Variants in DNAJC13 observed in about 807,000 individuals in gnomAD.
The protein encoded by DNAJC13 is DnaJ heat shock protein family (Hsp40) member C13.
A neutral mutation model predicts 290.5 loss-of-function variants in DNAJC13; 75 were observed. The ratio of observed to expected loss-of-function variants is 0.26; its 90% confidence interval spans 0.21 to 0.31. The LOEUF is 0.31. DNAJC13 is among the 10% of genes least tolerant of loss of function. The pLI is 1.00. For missense variants in DNAJC13, 2,260 were observed against 2,674.5 expected, an observed-to-expected ratio of 0.85 and a Z score of 3.42; for synonymous variants, 862 against 892.0, an observed-to-expected ratio of 0.97 and a Z score of 0.60.
intron 46 of DNAJC13, 137 bp downstream of exon 46, chr3:132,514,807 TC>T: frequency 1.5e-6 from 1 of 672,898 alleles, no homozygotes; most frequent in Non-Finnish European, 2.5e-6. Context: ...AGATTTGTCT[TC>T]CTAATAATGT....
At chr3:132,528,888 AT>A (rs1202380255) in intron 54 of DNAJC13, among the ~76,000 whole-genome samples, 1 of 151,174 alleles carries the variant, frequency 6.6e-6, no homozygotes, top group African/African-American at 2.4e-5. Context: ...TTTTATTTTT[AT>A]TATTTCCTCT....
intron 55 of DNAJC13, 57 bp downstream of exon 55, chr3:132,531,154 C>G (rs1936403714): frequency 1.4e-6 from 2 of 1,459,044 alleles, no homozygotes; most frequent in Non-Finnish European, 1.9e-6. Flanking sequence ...CTTGGACCTT[C>G]CTTTTGCCCT....
In DNAJC13 at chr3:132,538,943, CT is replaced by C. The variant is rs1200732103; in HGVS notation, c.*664del. 2.0e-5 allele frequency: 3 copies of C among 152,530 alleles called. No individual in the cohort carries two copies. Among genetic ancestry groups the C allele is most frequent in the Non-Finnish European group, 4.4e-5 (3 of 68,014 alleles). 9.4% of individuals were successfully genotyped at this position (152,530 alleles called of 1,614,324 possible). On this transcript the variant is annotated 3_prime_UTR_variant, in exon 56 of 56. Coordinates refer to ENST00000260818, the MANE Select transcript of DNAJC13 (RefSeq NM_015268.4). ...TCTATACACTATCAAATATATAAAG[CT>C]TTCTATATTGAATGTACATTATACA...
At chr3:132,435,980 G>C (rs193299459) in intron 2 of DNAJC13, among the ~76,000 whole-genome samples, 8 of 152,200 alleles carry the variant, frequency 5.3e-5, no homozygotes, top group Admixed American at 4.6e-4. Flanking sequence ...GAGTACAACT[G>C]TTTGTGTGCT....
intron 16 of DNAJC13, among the ~76,000 whole-genome samples, chr3:132,462,979 G>A (rs1335109404): frequency 2.6e-5 from 4 of 152,160 alleles, no homozygotes; most frequent in Admixed American, 6.5e-5. Context: ...TGATCTTGTC[G>A]AAGATACTGC....
At chr3:132,480,064 C>T (rs949152295) in intron 25 of DNAJC13, among the ~76,000 whole-genome samples, 3 of 151,956 alleles carry the variant, frequency 2.0e-5, no homozygotes, top group African/African-American at 7.2e-5. Context: ...TTAAAAAGAC[C>T]TTGACAGAAT....
Position 132,506,802 on chromosome 3 carries a change from G to A in DNAJC13, c.4999-435G>A, listed in dbSNP as rs1240377021. Among the ~76,000 whole-genome samples, 8 of 151,088 alleles carry A rather than the reference G, an allele frequency of 5.3e-5. 1 individual carries two copies. In the South Asian group the frequency reaches 8.4e-4, roughly 16 times the overall value. Reference sequence around the variant, plus strand: ...CTTGACCTCATGATCCACCCGCCTCGGCCTCCCTAAGTGCTGGGATTACAG... The same window carrying A: ...CTTGACCTCATGATCCACCCGCCTCAGCCTCCCTAAGTGCTGGGATTACAG... On this transcript the variant is annotated intron_variant, in intron 42 of 55. Coordinates refer to ENST00000260818, the MANE Select transcript of DNAJC13 (RefSeq NM_015268.4).
At chr3:132,506,616 A>C (rs1366241588) in intron 42 of DNAJC13, among the ~76,000 whole-genome samples, 1 of 119,838 alleles carries the variant, frequency 8.3e-6, no homozygotes, top group Non-Finnish European at 1.6e-5. Context: ...CAGTGGCATG[A>C]TCTCGGCCCA....
intron 42 of DNAJC13, 42 bp from the exon 43 acceptor site, chr3:132,507,195 T>C (rs1282955033): frequency 2.4e-6 from 3 of 1,243,170 alleles, no homozygotes; most frequent in African/African-American, 1.5e-5. Flanking sequence ...TGAACATGGA[T>C]AGATTTACAT....
chr3:132,469,960 A>ATTTTTTTT (rs1208816809), intron 20 of DNAJC13, among the ~76,000 whole-genome samples: 1 of 29,262 alleles, frequency 3.4e-5, no homozygotes, highest in African/African-American at 1.2e-4. Context: ...TGGAGCAGAG[A>ATTTTTTTT]TTCTTTTTTT....
rs748698513 is a variant in DNAJC13, at chr3:132,502,423, A to G, written c.4671A>G (p.Thr1557=). 26 of 1,613,298 alleles carry G rather than the reference A, an allele frequency of 1.6e-5. No homozygotes were observed. Among genetic ancestry groups the G allele is most frequent in the Non-Finnish European group, 2.1e-5 (25 of 1,179,738 alleles). The change falls in exon 40 of 56, where the codon ACA becomes ACG. Residue 1557 remains threonine, a synonymous_variant. Transcript: ENST00000260818. ...GTTTTCTGTTTAATTATGACTACACACTAGAAGAGAGTGGCATTCAGAAAA... is the reference window on the plus strand; with the variant it reads ...GTTTTCTGTTTAATTATGACTACACGCTAGAAGAGAGTGGCATTCAGAAAA... The part of the protein sequence containing the change: ...LLGFLFNYDY[T]LEESGIQKSE...
chr3:132,497,612 GAT>G (rs751200992), intron 36 of DNAJC13, among the ~76,000 whole-genome samples: 6 of 152,312 alleles, frequency 3.9e-5, no homozygotes, highest in Non-Finnish European at 7.4e-5. Context: ...ATACATTTTA[GAT>G]ATATGGCTTT....
Position 132,514,594 on chromosome 3 carries a change from C to T in DNAJC13, c.5409C>T (p.Asn1803=). 6.2e-7 allele frequency: 1 copy of T among 1,610,308 alleles called. No individual in the cohort carries two copies. The highest frequency in any genetic ancestry group is 8.5e-7 in the Non-Finnish European group (1 of 1,178,462). Residue 1803 remains asparagine, a synonymous_variant, in exon 46 of 56, where the codon AAC becomes AAT. Transcript: ENST00000260818. ...ALEVVNIVTS[N]QDCVNNIAES... is the part of the protein sequence containing the mutation. Reference sequence around the variant, plus strand: ...AGGTTGTGAATATAGTGACATCTAACCAAGACTGTGTCAACAATATTGCTG... The same window carrying T: ...AGGTTGTGAATATAGTGACATCTAATCAAGACTGTGTCAACAATATTGCTG...
chr3:132,476,695 C>A (rs1934484892), intron 22 of DNAJC13, among the ~76,000 whole-genome samples: 1 of 152,172 alleles, frequency 6.6e-6, no homozygotes, highest in Non-Finnish European at 1.5e-5. Flanking sequence ...GCCAAATAGG[C>A]TTCTTAGAAA....
intron 45 of DNAJC13, 69 bp downstream of exon 45, chr3:132,513,168 C>G: frequency 7.8e-7 from 1 of 1,284,564 alleles, no homozygotes; most frequent in Non-Finnish European, 1.1e-6. Flanking sequence ...GAGTCTCTAT[C>G]AGTCATTGTC....
chr3:132,503,469 A>G (rs1559902271), intron 41 of DNAJC13, 88 bp downstream of exon 41: 2 of 1,453,774 alleles, frequency 1.4e-6, no homozygotes, highest in East Asian at 2.3e-5. Flanking sequence ...GATCTAGGGA[A>G]CCTAAAAATT....
intron 55 of DNAJC13, among the ~76,000 whole-genome samples, chr3:132,533,651 G>A (rs1326394844): frequency 2.0e-5 from 3 of 152,134 alleles, no homozygotes; most frequent in African/African-American, 7.2e-5. Context: ...ACTGCACCTG[G>A]TCAGCCTTAT....
chr3:132,512,868 A>G (rs1436279104), intron 44 of DNAJC13, 140 bp from the exon 45 acceptor site: 2 of 689,032 alleles, frequency 2.9e-6, no homozygotes, highest in Admixed American at 2.6e-5. Flanking sequence ...GAGGTCCTCC[A>G]CTTACTTCAT....
At chr3:132,420,753 A>G (rs1166352712) in intron 1 of DNAJC13, among the ~76,000 whole-genome samples, 1 of 152,220 alleles carries the variant, frequency 6.6e-6, no homozygotes, top group Non-Finnish European at 1.5e-5. Context: ...AACTATGGCA[A>G]AAACAAATCA....
Sources: gnomAD v4.1 joint callset for allele counts (sites outside exome capture counted in the v4.1 genomes callset) on GRCh38, gnomAD v4.1.1 for gene constraint, MANE v1.5 for transcripts, NCBI Gene and HGNC (gene_info 2026-07-23, HGNC 2026-07-21) for gene names.